The following FBXO10 variants were observed in gnomAD, a reference collection of about 807,000 sequenced individuals.
FBXO10 encodes F-box protein 10, also known as F-box only protein 10.
FBXO10 carries 39 observed loss-of-function variants against 80.7 expected under a neutral mutation model. The ratio of observed to expected loss-of-function variants is 0.48; its 90% CI spans 0.37 to 0.63. The LOEUF is 0.63. Among genes scored for constraint, FBXO10 ranks in the 30% least tolerant of loss-of-function variants. The pLI is 0.00. For missense variants in FBXO10, 1,025 were observed against 1,269.0 expected, an observed-to-expected ratio of 0.81 and a Z score of 2.92; for synonymous variants, 449 against 489.6, an observed-to-expected ratio of 0.92 and a Z score of 1.09.
chr9:37,535,680 C>T (rs948378132), intron 3 of FBXO10, among the ~76,000 whole-genome samples: 6 of 152,138 alleles, frequency 3.9e-5, no homozygotes, highest in African/African-American at 1.2e-4. Context: ...CTTGGAGCCT[C>T]AAGCAACCAG....
intron 8 of FBXO10, among the ~76,000 whole-genome samples, chr9:37,519,917 G>A (rs1322126191): frequency 1.3e-5 from 2 of 152,166 alleles, no homozygotes; most frequent in African/African-American, 4.8e-5. Context: ...TCTGAGTCCT[G>A]AGCTCAAGCA....
chr9:37,530,841 AT>A (rs1821603068), intron 4 of FBXO10, among the ~76,000 whole-genome samples: 1 of 151,884 alleles, frequency 6.6e-6, no homozygotes, highest in Non-Finnish European at 1.5e-5. Context: ...GGGTCTTGCT[AT>A]GTTGCCCAGG....
chr9:37,512,755 G>T, intron 10 of FBXO10, 34 bp from the exon 11 acceptor site: 1 of 1,600,370 alleles, frequency 6.2e-7, no homozygotes. Context: ...GTGAACTTCT[G>T]AGGGGTGTGC....
At chr9:37,536,662 C>G (rs1821773412) in intron 3 of FBXO10, among the ~76,000 whole-genome samples, 1 of 152,160 alleles carries the variant, frequency 6.6e-6, no homozygotes, top group South Asian at 2.1e-4. Context: ...CCCTTCTTAT[C>G]ACGTGTCCAA....
chr9:37,513,689 G>A (rs4457420), intron 10 of FBXO10, among the ~76,000 whole-genome samples: 49,978 of 151,724 alleles, frequency 0.33, 8,415 homozygotes, highest in East Asian at 0.42. Context: ...TCCCAGGTTC[G>A]AGTGATCCTC....
At chr9:37,544,634 C>T (rs1346274231) in intron 1 of FBXO10, among the ~76,000 whole-genome samples, 1 of 152,154 alleles carries the variant, frequency 6.6e-6, no homozygotes, top group African/African-American at 2.4e-5. Flanking sequence ...GGCTTTAATT[C>T]TGCAGATTTG....
chr9:37,528,757 G>A (rs769811491), intron 5 of FBXO10, among the ~76,000 whole-genome samples: 37 of 152,192 alleles, frequency 2.4e-4, no homozygotes, highest in Non-Finnish European at 3.7e-4. Context: ...GCAGCACCAG[G>A]ATGTTGACAC....
At chr9:37,543,778 C>T (rs1223218568) in intron 1 of FBXO10, among the ~76,000 whole-genome samples, 1 of 152,162 alleles carries the variant, frequency 6.6e-6, no homozygotes, top group East Asian at 1.9e-4. Flanking sequence ...AACAAAGGGC[C>T]AAGTAGATGA....
chr9:37,516,868 G>A (rs1160579441), intron 9 of FBXO10, among the ~76,000 whole-genome samples: 1 of 151,790 alleles, frequency 6.6e-6, no homozygotes, highest in African/African-American at 2.4e-5. Context: ...GGCTGAGGCA[G>A]GAGAATGGCT....
rs1472055846 is a variant in FBXO10 at position 37,522,301 on chromosome 9, T to G, written c.1931-463A>C. The G allele has an allele frequency of 4.0e-5, 39 of 963,802 alleles. No individual in the cohort carries two copies. In the Admixed American group the frequency reaches 4.6e-4, roughly 11 times the overall value. 59.7% of individuals were successfully genotyped at this position (963,802 alleles called of 1,614,324 possible). ...CCGTGCCTCCTTCAGAAGGCAGTCA[T>G]GAGGATTAAATGTGATCATGCATAG... On this transcript the variant is annotated intron_variant, in intron 7 of 10. Transcript: ENST00000432825.
Position 37,512,702 on chromosome 9 carries a change from C to A in FBXO10, c.2716G>T (p.Val906Leu), listed in dbSNP as rs752164765. 2.5e-6 allele frequency: 4 copies of A among 1,613,678 alleles called. No individual in the cohort carries two copies. Among genetic ancestry groups the A allele is most frequent in the Non-Finnish European group, 1.7e-6 (2 of 1,179,796 alleles). Residue 906 changes from valine (V) to leucine (L), a missense_variant, in exon 11 of 11, where the codon GTG becomes TTG. Around this residue, in one of 3 missense-constraint regions of FBXO10, gnomAD observed 97 missense variants for 101.8 expected, o/e 0.95. Coordinates refer to ENST00000432825, the MANE Select transcript of FBXO10 (RefSeq NM_012166.3). ...AGGTGGGGCCGTGCTGGTGGGTTCA[C>A]CAGGCGCCACGTATCAGACCTGGAG... ...FKKKSDTWRL[V>L]NPPARPHLEN...
chr9:37,555,240 C>T (rs892152984), intron 1 of FBXO10, among the ~76,000 whole-genome samples: 1 of 151,554 alleles, frequency 6.6e-6, no homozygotes, highest in African/African-American at 2.4e-5. Flanking sequence ...AAAATTTTAT[C>T]ATTCTGGTGG....
At chr9:37,566,511 A>G (rs1487275729) in intron 1 of FBXO10, among the ~76,000 whole-genome samples, 2 of 151,902 alleles carry the variant, frequency 1.3e-5, no homozygotes, top group Non-Finnish European at 2.9e-5. Context: ...TCAGAACCCT[A>G]TTTAGTATTG....
At chr9:37,515,793 G>T in intron 10 of FBXO10, 111 bp downstream of exon 10, 1 of 1,150,762 alleles carries the variant, frequency 8.7e-7, no homozygotes, top group Non-Finnish European at 1.3e-6. Flanking sequence ...GTCGACAGCT[G>T]GCAGGGTTGC....
chr9:37,515,827 C>T, intron 10 of FBXO10, 77 bp downstream of exon 10: 2 of 1,486,320 alleles, frequency 1.3e-6, no homozygotes, highest in Non-Finnish European at 1.8e-6. Flanking sequence ...AGCCACAATC[C>T]CTGGGTGTGG....
chr9:37,520,522 CTTTTTT>C (rs1191753429), intron 8 of FBXO10, among the ~76,000 whole-genome samples: 11 of 83,418 alleles, frequency 1.3e-4, no homozygotes, highest in East Asian at 4.2e-4. Flanking sequence ...CCTTCTTCTT[CTTTTTT>C]TTTTTTTTTT....
chr9:37,515,945 T>G lies in FBXO10; in HGVS notation c.2655A>C (p.Glu885Asp), dbSNP rs995807300. The change falls in exon 10 of 11, where the codon GAA becomes GAC. Residue 885 changes from glutamate to aspartate, a missense_variant. Around this residue, in one of 3 missense-constraint regions of FBXO10, gnomAD observed 97 missense variants for 101.8 expected, o/e 0.95. Transcript: ENST00000432825. ...TIFQQISNNR[E>D]CIMQNNKFLV... ...GGAACTTGTTGTTTTGCATGATGCA[T>G]TCTCGGTTGTTTGAGATCTGCTGAA... The G allele has an allele frequency of 1.2e-6, 2 of 1,614,036 alleles. No homozygotes were observed. Among genetic ancestry groups the G allele is most frequent in the Non-Finnish European group, 1.7e-6 (2 of 1,179,890 alleles).
At chr9:37,563,025 T>C (rs1287337672) in intron 1 of FBXO10, among the ~76,000 whole-genome samples, 1 of 152,212 alleles carries the variant, frequency 6.6e-6, no homozygotes, top group Non-Finnish European at 1.5e-5. Context: ...AATCCCCATG[T>C]GTCAGGGGTG....
chr9:37,537,275 C>CT lies in FBXO10; in HGVS notation c.1253dup (p.Glu419GlyfsTer53). 9 of 1,613,742 alleles carry CT rather than the reference C, an allele frequency of 5.6e-6. No individual in the cohort carries two copies. The highest frequency in any genetic ancestry group is 6.8e-6 in the Non-Finnish European group (8 of 1,179,800). On this transcript the variant is annotated frameshift_variant, in exon 3 of 11. Transcript: ENST00000432825. LOFTEE classifies it high-confidence loss of function. ...CGGAGTTGGCCAGTGCCATGGCCTC[C>CT]TTATCCTTCTGCAGCTCCTGCTGCA... is the stretch of plus-strand genomic sequence containing the variant.
Sources: gnomAD v4.1 joint callset for allele counts (sites outside exome capture counted in the v4.1 genomes callset) on GRCh38, gnomAD v4.1.1 for gene constraint, gnomAD v4.1.1 regional missense constraint, MANE v1.5 for transcripts, NCBI Gene and HGNC (gene_info 2026-07-23, HGNC 2026-07-21) for gene names.